Variants in MYO1D observed in about 807,000 individuals in gnomAD.
The protein encoded by MYO1D is unconventional myosin-Id.
Under a neutral mutation model 122.0 loss-of-function variants are expected in MYO1D, and 83 were observed. The ratio of observed to expected loss-of-function variants is 0.68; its 90% CI spans 0.57 to 0.82. The LOEUF (loss-of-function observed/expected upper bound fraction) is 0.82, where lower values mean the gene tolerates loss of function less well. MYO1D is among the 40% of genes least tolerant of loss of function. The pLI, the probability that MYO1D is intolerant of heterozygous loss-of-function variation, is 0.00. For synonymous variants in MYO1D, 464 were observed against 446.9 expected (o/e 1.04, Z -0.48); for missense variants, 1,157 against 1,269.5 (o/e 0.91, Z 1.35).
Position 32,640,458 on chromosome 17 carries a change from A to G in MYO1D, c.2596-1623T>C, listed in dbSNP as rs1020839741. 1.1e-4 allele frequency among the ~76,000 whole-genome samples: 15 copies of G among 139,112 alleles called. No homozygotes were observed. The South Asian group carries it at 2.6e-3, about 24-fold the overall frequency. 91.3% of individuals were successfully genotyped at this position (139,112 alleles called of 152,430 possible). ...TCATCTAGCATTAGGTATATCTCCC[A>G]ATGCTATCCCTCCCCCCTCCCCCCA... On this transcript the variant is annotated intron_variant, in intron 19 of 21. Coordinates refer to ENST00000318217, the MANE Select transcript of MYO1D (RefSeq NM_015194.3).
intron 21 of MYO1D, among the ~76,000 whole-genome samples, chr17:32,513,763 C>A (rs776264979): frequency 6.6e-6 from 1 of 151,902 alleles, no homozygotes; most frequent in African/African-American, 2.4e-5. Context: ...TAAGCCTGCC[C>A]GCACAGCTGT....
chr17:32,541,951 G>A (rs890056800), intron 21 of MYO1D, among the ~76,000 whole-genome samples: 6 of 152,054 alleles, frequency 3.9e-5, no homozygotes, highest in South Asian at 2.1e-4. Context: ...AACTTCACCC[G>A]GCTAATTCCT....
intron 16 of MYO1D, among the ~76,000 whole-genome samples, chr17:32,683,522 G>A: frequency 6.6e-6 from 1 of 152,076 alleles, no homozygotes; most frequent in Non-Finnish European, 1.5e-5. Flanking sequence ...TGAGGTGTCA[G>A]TGTGCCCCTG....
At chr17:32,506,328 G>A (rs1286699057) in intron 21 of MYO1D, among the ~76,000 whole-genome samples, 1 of 152,210 alleles carries the variant, frequency 6.6e-6, no homozygotes, top group African/African-American at 2.4e-5. Context: ...GATAACAGCA[G>A]CATGAAAGGT....
intron 21 of MYO1D, among the ~76,000 whole-genome samples, chr17:32,509,226 CAT>C (rs1370811079): frequency 6.6e-6 from 1 of 152,126 alleles, no homozygotes. Flanking sequence ...GTGATGAAAA[CAT>C]ATGAAGAGGC....
chr17:32,650,092 T>C (rs747606605), intron 19 of MYO1D, among the ~76,000 whole-genome samples: 2 of 152,254 alleles, frequency 1.3e-5, no homozygotes, highest in Non-Finnish European at 2.9e-5. Context: ...ATAATTTTCC[T>C]TCTGTCTGGA....
At chr17:32,575,773 C>T (rs1597906828) in intron 21 of MYO1D, among the ~76,000 whole-genome samples, 1 of 152,192 alleles carries the variant, frequency 6.6e-6, no homozygotes, top group Non-Finnish European at 1.5e-5. Flanking sequence ...GTCAGAAATA[C>T]ATCCATCATA....
chr17:32,762,373 C>T (rs1211462963), intron 8 of MYO1D, among the ~76,000 whole-genome samples: 2 of 152,170 alleles, frequency 1.3e-5, no homozygotes, highest in Non-Finnish European at 2.9e-5. Context: ...TCATTCTCCA[C>T]ATAATAGGTC....
At chr17:32,646,099 G>T (rs1042539217) in intron 19 of MYO1D, among the ~76,000 whole-genome samples, 1 of 152,104 alleles carries the variant, frequency 6.6e-6, no homozygotes, top group Non-Finnish European at 1.5e-5. Context: ...AGTCCTTTCT[G>T]TTTGTTAGTT....
At chr17:32,597,682 G>A (rs1173210331) in intron 21 of MYO1D, among the ~76,000 whole-genome samples, 3 of 151,824 alleles carry the variant, frequency 2.0e-5, no homozygotes, top group African/African-American at 7.3e-5. Context: ...GACCAGCCTG[G>A]CCAAAATGGT....
intron 1 of MYO1D, among the ~76,000 whole-genome samples, chr17:32,846,867 G>C (rs1007060264): frequency 5.3e-5 from 8 of 152,058 alleles, no homozygotes; most frequent in African/African-American, 1.9e-4. Flanking sequence ...TGTGCCTGAA[G>C]TTCAAGCTAC....
chr17:32,663,605 T>C (rs532220778), intron 16 of MYO1D, among the ~76,000 whole-genome samples: 112 of 152,316 alleles, frequency 7.4e-4, no homozygotes, highest in Middle Eastern at 6.8e-3. Context: ...GCTGTAATAA[T>C]CATTGCTTGC....
At chr17:32,559,749 T>C (rs549763705) in intron 21 of MYO1D, among the ~76,000 whole-genome samples, 1 of 152,356 alleles carries the variant, frequency 6.6e-6, no homozygotes, top group East Asian at 1.9e-4. Context: ...ATTTCATCAT[T>C]TCCATCCTAA....
rs535472112 is a variant in MYO1D at position 32,765,001 on chromosome 17, G to C, written c.912C>G (p.Leu304=). The C allele has an allele frequency of 5.6e-6, 9 of 1,614,040 alleles. No homozygotes were observed. In the African/African-American group the frequency reaches 1.1e-4, roughly 19 times the overall value. The change falls in exon 8 of 22, where the codon CTC becomes CTG. Residue 304 remains leucine (L), a synonymous_variant. Transcript: ENST00000318217. ...TCTCAACCATATCTGTCTTAGTAGA[G>C]AGCAATTCTGCTATGATAGATACTA... ...GKVVSIIAEL[L]STKTDMVEKA...
intron 21 of MYO1D, chr17:32,497,931 G>C (rs1909177712): frequency 6.6e-6 from 1 of 152,320 alleles, no homozygotes; most frequent in African/African-American, 2.4e-5. Context: ...CCTCCCTGGT[G>C]GTGGGTACTG....
At chr17:32,715,044 G>A (rs1038346275) in intron 15 of MYO1D, among the ~76,000 whole-genome samples, 2 of 151,854 alleles carry the variant, frequency 1.3e-5, no homozygotes, top group East Asian at 1.9e-4. Context: ...ACATACATGC[G>A]GCCAACATAT....
intron 1 of MYO1D, among the ~76,000 whole-genome samples, chr17:32,823,380 T>A (rs1431970008): frequency 2.0e-5 from 3 of 152,150 alleles, no homozygotes; most frequent in South Asian, 2.1e-4. Context: ...CATATATATA[T>A]AAAATATTTT....
At chr17:32,816,151 C>T (rs1464657941) in intron 1 of MYO1D, among the ~76,000 whole-genome samples, 1 of 152,240 alleles carries the variant, frequency 6.6e-6, no homozygotes, top group Admixed American at 6.5e-5. Context: ...CTGCATTAAG[C>T]GTCTGGGAGT....
rs529854525 is a variant in MYO1D, at chr17:32,632,556, T to G, written c.2709+6166A>C. 5 of 117,554 alleles carry G rather than the reference T, an allele frequency of 4.3e-5. No individual in the cohort carries two copies. In the South Asian group the frequency reaches 1.3e-3, roughly 31 times the overall value. 7.3% of individuals were successfully genotyped at this position (117,554 alleles called of 1,614,324 possible). On this transcript the variant is annotated intron_variant, in intron 20 of 21. Coordinates refer to ENST00000318217, the MANE Select transcript of MYO1D (RefSeq NM_015194.3). ...TTCATGAGAAAGAAAACATGCAAAC[T>G]TAAGTACTATATATATATATATATA...
Sources: gnomAD v4.1 joint callset for allele counts (sites outside exome capture counted in the v4.1 genomes callset) on GRCh38, gnomAD v4.1.1 for gene constraint, MANE v1.5 for transcripts, NCBI Gene and HGNC (gene_info 2026-07-23, HGNC 2026-07-21) for gene names.